Variants in NLGN4X observed in about 807,000 individuals in gnomAD.
The protein encoded by NLGN4X is neuroligin 4 X-linked.
Under a neutral mutation model 40.3 loss-of-function variants are expected in NLGN4X, and 3 were observed. The observed-to-expected ratio is 0.07, with a 90% CI of 0.03 to 0.19. NLGN4X has a LOEUF of 0.19. Ranked by LOEUF, NLGN4X falls within the 10% of genes least tolerant of loss-of-function variation. The pLI, the probability that NLGN4X is intolerant of heterozygous loss-of-function variation, is 1.00. For synonymous variants in NLGN4X, 270 were observed against 306.8 expected, an observed-to-expected ratio of 0.88 and a Z score of 1.25; for missense variants, 382 against 708.3, an observed-to-expected ratio of 0.54 and a Z score of 5.23.
chrX:5,950,592 T>C (rs1440318739), intron 3 of NLGN4X, among the ~76,000 whole-genome samples: 1 of 112,041 alleles, frequency 8.9e-6, no homozygotes, highest in East Asian at 2.8e-4. Flanking sequence ...TGTCATATAA[T>C]AGTGGGCAGT....
At chrX:6,051,197 G>A (rs1265348136) in intron 2 of NLGN4X, among the ~76,000 whole-genome samples, 4 of 111,913 alleles carry the variant, frequency 3.6e-5, no homozygotes, top group Non-Finnish European at 7.5e-5. Context: ...TAGATACTAT[G>A]TTGTCTCCTA....
At chrX:6,118,773 G>A (rs2147566097) in intron 2 of NLGN4X, among the ~76,000 whole-genome samples, 1 of 111,106 alleles carries the variant, frequency 9.0e-6, no homozygotes, top group Admixed American at 9.6e-5. Flanking sequence ...TATTCATCAC[G>A]GAAAAGCTAA....
chrX:5,899,593 C>T (rs767999619), intron 5 of NLGN4X, among the ~76,000 whole-genome samples: 2 of 111,236 alleles, frequency 1.8e-5, no homozygotes, highest in East Asian at 2.8e-4. Flanking sequence ...CTCAGACCTT[C>T]GTGATGTCTT....
chrX:6,215,190 C>A (rs1366380850), intron 1 of NLGN4X, among the ~76,000 whole-genome samples: 1 of 112,160 alleles, frequency 8.9e-6, no homozygotes, highest in Non-Finnish European at 1.9e-5. Flanking sequence ...CATGAACTGG[C>A]GTAAGCAGAT....
intron 3 of NLGN4X, among the ~76,000 whole-genome samples, chrX:5,977,932 C>G (rs936285986): frequency 3.6e-5 from 4 of 112,112 alleles, no homozygotes; most frequent in African/African-American, 1.3e-4. Flanking sequence ...CAGTCTTGTT[C>G]CCTGAGCAGG....
intron 3 of NLGN4X, among the ~76,000 whole-genome samples, chrX:5,932,375 A>G (rs1206415800): frequency 2.7e-5 from 3 of 111,725 alleles, no homozygotes; most frequent in Non-Finnish European, 5.6e-5. Context: ...CACTCACCTA[A>G]GGAGAACACA....
At chrX:6,040,934 T>TC (rs1465658141) in intron 2 of NLGN4X, among the ~76,000 whole-genome samples, 7 of 110,587 alleles carry the variant, frequency 6.3e-5, no homozygotes, top group Admixed American at 2.9e-4. Context: ...ATTTTCATGA[T>TC]CCCCCCCAAA....
intron 3 of NLGN4X, among the ~76,000 whole-genome samples, chrX:5,989,893 G>A (rs2035631519): frequency 9.0e-6 from 1 of 111,265 alleles, no homozygotes; most frequent in Non-Finnish European, 1.9e-5. Flanking sequence ...CACAGTAAGA[G>A]ATTAACAACA....
chrX:6,005,569 A>C (rs2036083813), intron 3 of NLGN4X, among the ~76,000 whole-genome samples: 1 of 111,093 alleles, frequency 9.0e-6, no homozygotes, highest in African/African-American at 3.3e-5. Flanking sequence ...TGCTGAACTG[A>C]AGAAGAAGCC....
At chrX:5,972,897 T>C (rs2035067355) in intron 3 of NLGN4X, among the ~76,000 whole-genome samples, 1 of 111,732 alleles carries the variant, frequency 8.9e-6, no homozygotes, top group Admixed American at 9.5e-5. Flanking sequence ...TAACATAATT[T>C]TTACTTGGTT....
chrX:6,072,811 C>T (rs1403866872), intron 2 of NLGN4X, among the ~76,000 whole-genome samples: 1 of 111,124 alleles, frequency 9.0e-6, no homozygotes, highest in African/African-American at 3.3e-5. Flanking sequence ...CTAGAATCTC[C>T]AATTCCTTCT....
chrX:6,177,928 A>ACCCCTTCTACCACACCTTCTCCCT (rs1921002754), intron 1 of NLGN4X, among the ~76,000 whole-genome samples: 1 of 110,831 alleles, frequency 9.0e-6, no homozygotes, highest in Non-Finnish European at 1.9e-5. Context: ...AAGGGAACTC[A>ACCCCTTCTACCACACCTTCTCCCT]GCTCCCTCAC....
At chrX:6,173,800 G>A (rs780861109) in intron 1 of NLGN4X, among the ~76,000 whole-genome samples, 1 of 112,244 alleles carries the variant, frequency 8.9e-6, no homozygotes, top group South Asian at 3.7e-4. Context: ...GCTCACGCCT[G>A]TAATCCTAGC....
Position 5,950,755 on chromosome X carries a change from ATCACTGTGACCTTGAAACTCCTTGCC to A in NLGN4X, c.626-41542_626-41517del, listed in dbSNP as rs949425835. On this transcript the variant is annotated intron_variant, in intron 3 of 5. Coordinates refer to ENST00000381095, the MANE Select transcript of NLGN4X (RefSeq NM_181332.3). ...ACAGAGGCACAAGTTCTAGTGTTCA[ATCACTGTGACCTTGAAACTCCTTGCC>A]TCACTGTGACCTTGAAACTCCTTAC... Among the ~76,000 whole-genome samples, 9 of 112,119 alleles carry A rather than the reference ATCACTGTGACCTTGAAACTCCTTGCC, an allele frequency of 8.0e-5. No homozygotes were observed. The East Asian group carries it at 1.1e-3, about 14-fold the overall frequency.
intron 3 of NLGN4X, among the ~76,000 whole-genome samples, chrX:5,954,487 G>A (rs1174100708): frequency 1.0e-5 from 1 of 99,627 alleles, no homozygotes; most frequent in African/African-American, 3.7e-5. Flanking sequence ...CTCCTGCCTC[G>A]ACCTCCCAAA....
chrX:6,223,855 A>G (rs775156250), intron 1 of NLGN4X, among the ~76,000 whole-genome samples: 7 of 113,069 alleles, frequency 6.2e-5, no homozygotes, highest in Non-Finnish European at 7.5e-5. Flanking sequence ...ATCCATTCAC[A>G]TAATTAAATA....
intron 2 of NLGN4X, among the ~76,000 whole-genome samples, chrX:6,138,639 A>G (rs1569260458): frequency 9.0e-6 from 1 of 111,659 alleles, no homozygotes; most frequent in East Asian, 2.8e-4. Context: ...TGGGGAGGGC[A>G]GACTCGTAAA....
chrX:6,120,843 C>T (rs1051858431), intron 2 of NLGN4X, among the ~76,000 whole-genome samples: 1 of 111,593 alleles, frequency 9.0e-6, no homozygotes, highest in Middle Eastern at 4.3e-3. Flanking sequence ...GTATAAAAAG[C>T]GTGAACAAGA....
At chrX:5,922,446 G>C (rs1156298023) in intron 3 of NLGN4X, among the ~76,000 whole-genome samples, 2 of 112,029 alleles carry the variant, frequency 1.8e-5, no homozygotes, top group African/African-American at 6.5e-5. Context: ...TGGAACATCA[G>C]TATGCACCCC....
Sources: gnomAD v4.1 joint callset for allele counts (sites outside exome capture counted in the v4.1 genomes callset) on GRCh38, gnomAD v4.1.1 for gene constraint, MANE v1.5 for transcripts, NCBI Gene and HGNC (gene_info 2026-07-23, HGNC 2026-07-21) for gene names.